The following TSPAN18 variants were observed in gnomAD, a reference collection of about 807,000 sequenced individuals.
TSPAN18 encodes the protein tetraspanin-18.
TSPAN18 carries 14 observed loss-of-function variants against 27.3 expected under a neutral mutation model. That is an observed-to-expected ratio of 0.51 (90% confidence interval 0.34 to 0.80). The LOEUF is 0.80. Ranked by LOEUF, TSPAN18 falls within the 30% of genes least tolerant of loss-of-function variation. The probability of loss-of-function intolerance (pLI) is 0.01; values close to 1 mark genes in which losing one functional copy is unlikely to be tolerated. For missense variants in TSPAN18, 268 were observed against 323.9 expected (o/e 0.83, Z 1.32); for synonymous variants, 143 against 136.5 (o/e 1.05, Z -0.33).
At position 44,908,831 on chromosome 11, in the gene TSPAN18, A is replaced by AAAGAAAGAAAGAGAG. The variant is rs1590671474; in HGVS notation, c.64-873_64-872insAGAAAGAAAGAGAGA. On this transcript the variant is annotated intron_variant, in intron 4 of 9. Transcript: ENST00000520358. ...AGAAAGAAAGAAAGAAAGAAAGAAA[A>AAAGAAAGAAAGAGAG]AGAAAAATGGAGCAGATATTTATTG... Among the ~76,000 whole-genome samples the AAAGAAAGAAAGAGAG allele has an allele frequency of 4.3e-3, 413 of 96,236 alleles. 79 individuals are homozygous for AAAGAAAGAAAGAGAG. Among genetic ancestry groups the AAAGAAAGAAAGAGAG allele is most frequent in the African/African-American group, 0.017 (397 of 23,804 alleles). The allele number at this position is 96,236 out of a possible 152,430, so 63.1% of individuals were successfully genotyped here. A position where few individuals can be genotyped will look rare whatever the true frequency, so the allele number is the denominator to read the frequency against.
intron 2 of TSPAN18, among the ~76,000 whole-genome samples, chr11:44,849,075 G>A (rs1157099201): frequency 6.6e-6 from 1 of 152,222 alleles, no homozygotes; most frequent in African/African-American, 2.4e-5. Context: ...GAGATCAGGA[G>A]GGAAAGTGCA....
intron 4 of TSPAN18, among the ~76,000 whole-genome samples, chr11:44,907,205 C>T (rs748739663): frequency 1.3e-5 from 2 of 152,192 alleles, no homozygotes; most frequent in African/African-American, 4.8e-5. Context: ...GCTGAGCCCA[C>T]CCACCTGCTG....
intron 3 of TSPAN18, among the ~76,000 whole-genome samples, chr11:44,864,632 T>G (rs1192240413): frequency 6.6e-6 from 1 of 152,230 alleles, no homozygotes; most frequent in Non-Finnish European, 1.5e-5. Context: ...TAAAATGGAC[T>G]GGTCCAGTGT....
At chr11:44,766,943 A>G (rs1855581188) in intron 2 of TSPAN18, among the ~76,000 whole-genome samples, 1 of 152,158 alleles carries the variant, frequency 6.6e-6, no homozygotes, top group African/African-American at 2.4e-5. Flanking sequence ...GGGTGGTTGT[A>G]AGGTCAAGGT....
At chr11:44,909,555 C>T (rs534053190) in intron 4 of TSPAN18, 150 bp from the exon 5 acceptor site, 64 of 721,034 alleles carry the variant, frequency 8.9e-5, no homozygotes, top group Non-Finnish European at 1.2e-4. Flanking sequence ...CTGGGACTCA[C>T]TGGCTCTCGC....
rs561995263 is a variant in TSPAN18, at chr11:44,867,893, C to T, written c.-11+7424C>T. 7.2e-5 allele frequency among the ~76,000 whole-genome samples: 11 copies of T among 152,272 alleles called. No individual in the cohort carries two copies. In the South Asian group the frequency reaches 2.1e-3, roughly 29 times the overall value. On this transcript the variant is annotated intron_variant, in intron 3 of 9. Coordinates refer to ENST00000520358, the MANE Select transcript of TSPAN18 (RefSeq NM_130783.5). ...AGGGGAAGGGATATGAGATAGGCTG[C>T]TTGTGCTGAGTTTGGGCTTTTCCCC...
intron 4 of TSPAN18, among the ~76,000 whole-genome samples, chr11:44,908,802 A>AAGGAAGGAAGGAAG (rs1859583901): frequency 8.7e-6 from 1 of 115,538 alleles, no homozygotes; most frequent in African/African-American, 3.6e-5. Flanking sequence ...AAAGAAAGAA[A>AAGGAAGGAAGGAAG]GAAAGAAAGA....
chr11:44,748,431 C>T (rs1308370408), intron 1 of TSPAN18, among the ~76,000 whole-genome samples: 1 of 151,700 alleles, frequency 6.6e-6, no homozygotes, highest in Non-Finnish European at 1.5e-5. Flanking sequence ...CCATCACTTT[C>T]TTCCACAGTA....
chr11:44,815,520 G>T (rs1038137422), intron 2 of TSPAN18, among the ~76,000 whole-genome samples: 1 of 152,182 alleles, frequency 6.6e-6, no homozygotes, highest in Non-Finnish European at 1.5e-5. Flanking sequence ...TGTGGTGTGT[G>T]AAGGGGGGTC....
At chr11:44,877,950 A>G (rs879556945) in intron 3 of TSPAN18, among the ~76,000 whole-genome samples, 26 of 152,050 alleles carry the variant, frequency 1.7e-4, no homozygotes, top group Admixed American at 3.3e-4. Context: ...ATAGTTGCAC[A>G]TACCCACTCA....
Position 44,909,815 on chromosome 11 carries a change from C to T in TSPAN18, c.174C>T (p.Leu58=), listed in dbSNP as rs755756408. 3 of 1,613,990 alleles carry T rather than the reference C, an allele frequency of 1.9e-6. No individual in the cohort carries two copies. Among genetic ancestry groups the T allele is most frequent in the Middle Eastern group, 1.6e-4 (1 of 6,062 alleles). The change falls in exon 5 of 10, where the codon CTC becomes CTT. Residue 58 remains leucine, a synonymous_variant. Transcript: ENST00000520358. ...NPLLLTGAYI[L]LAMGGLLFLL... ...TGCTCCTCACGGGCGCCTACATCCT[C>T]CTGGCCATGGGGGGCCTGCTCTTTC... is the stretch of plus-strand genomic sequence containing the variant.
chr11:44,753,940 A>T (rs4755888), intron 1 of TSPAN18, among the ~76,000 whole-genome samples: 51,652 of 152,070 alleles, frequency 0.34, 12,320 homozygotes, highest in East Asian at 0.82. Flanking sequence ...GCGTCTTTTC[A>T]CTAGGACTCC....
intron 3 of TSPAN18, among the ~76,000 whole-genome samples, chr11:44,874,922 G>A (rs1565186925): frequency 6.6e-6 from 1 of 152,244 alleles, no homozygotes; most frequent in Non-Finnish European, 1.5e-5. Context: ...CATAACTGGA[G>A]AGAAGGAGGG....
intron 1 of TSPAN18, among the ~76,000 whole-genome samples, chr11:44,761,485 G>GCCA (rs1855454201): frequency 6.6e-6 from 1 of 152,216 alleles, no homozygotes; most frequent in Non-Finnish European, 1.5e-5. Context: ...TGCTTAAATG[G>GCCA]GAATTAGGAT....
intron 2 of TSPAN18, among the ~76,000 whole-genome samples, chr11:44,790,411 G>A (rs935939428): frequency 1.4e-5 from 2 of 145,432 alleles, no homozygotes; most frequent in African/African-American, 5.0e-5. Context: ...TTGTACGTGT[G>A]TGCATGTGTG....
chr11:44,741,025 C>T (rs1047952071), intron 1 of TSPAN18, among the ~76,000 whole-genome samples: 3 of 152,154 alleles, frequency 2.0e-5, no homozygotes, highest in Non-Finnish European at 4.4e-5. Context: ...GGGAGTGGGG[C>T]TGCTTGTTCT....
At chr11:44,800,890 A>G (rs972636578) in intron 2 of TSPAN18, among the ~76,000 whole-genome samples, 1 of 152,142 alleles carries the variant, frequency 6.6e-6, no homozygotes, top group African/African-American at 2.4e-5. Flanking sequence ...AAGAGGACAC[A>G]ATGAGTCTTT....
At chr11:44,798,420 C>T (rs548989373) in intron 2 of TSPAN18, among the ~76,000 whole-genome samples, 1 of 152,190 alleles carries the variant, frequency 6.6e-6, no homozygotes, top group Admixed American at 6.5e-5. Flanking sequence ...TCCAAGGTCA[C>T]ACAGCTGGAA....
intron 2 of TSPAN18, among the ~76,000 whole-genome samples, chr11:44,825,851 C>T (rs1263942468): frequency 6.6e-6 from 1 of 152,128 alleles, no homozygotes; most frequent in Non-Finnish European, 1.5e-5. Context: ...GTTGGATGCT[C>T]GCTCTGTCTA....
Sources: gnomAD v4.1 joint callset for allele counts (sites outside exome capture counted in the v4.1 genomes callset) on GRCh38, gnomAD v4.1.1 for gene constraint, MANE v1.5 for transcripts, NCBI Gene and HGNC (gene_info 2026-07-23, HGNC 2026-07-21) for gene names.